AP1M1: variants seen among roughly 807,000 people sequenced by gnomAD.
The protein encoded by AP1M1 is adaptor related protein complex 1 subunit mu 1.
A neutral mutation model predicts 57.1 loss-of-function variants in AP1M1; 18 were observed. That is an observed-to-expected ratio of 0.32 (90% CI 0.22 to 0.47). The LOEUF (loss-of-function observed/expected upper bound fraction) is 0.47. Among genes scored for constraint, AP1M1 ranks in the 20% least tolerant of loss-of-function variants. The pLI is 1.00. For missense variants in AP1M1, 362 were observed against 593.5 expected, an observed-to-expected ratio of 0.61 and a Z score of 4.05; for synonymous variants, 241 against 237.9, an observed-to-expected ratio of 1.01 and a Z score of -0.12.
chr19:16,208,720 C>T (rs1015286581), intron 4 of AP1M1: 5 of 272,372 alleles, frequency 1.8e-5, no homozygotes, highest in South Asian at 6.7e-5. Context: ...TCAGCAGGGA[C>T]GGGAAGCAGC....
At position 16,203,953 on chromosome 19, in the gene AP1M1, G is replaced by A. The variant is rs2091459558; in HGVS notation, c.199+338G>A. On this transcript the variant is annotated intron_variant, in intron 2 of 11. Coordinates refer to ENST00000291439, the MANE Select transcript of AP1M1 (RefSeq NM_032493.4). The surrounding 1 kb of genome is among the most constrained non-coding windows in gnomAD (Gnocchi z 4.6). ...GCGTGGGTGAAGGCTCTGCAGGGAA[G>A]AGCCTCATTCCAACAGCTGCACTCG... 1.3e-5 allele frequency among the ~76,000 whole-genome samples: 2 copies of A among 152,184 alleles called. No homozygotes were observed. Among genetic ancestry groups the A allele is most frequent in the Non-Finnish European group, 2.9e-5 (2 of 68,032 alleles).
At chr19:16,200,287 A>C (rs913867932) in intron 1 of AP1M1, among the ~76,000 whole-genome samples, 3 of 152,160 alleles carry the variant, frequency 2.0e-5, no homozygotes, top group African/African-American at 7.2e-5. Flanking sequence ...CTCCCTGAAG[A>C]GGGCGACGCT....
intron 2 of AP1M1, among the ~76,000 whole-genome samples, chr19:16,204,630 G>A (rs2091462000): frequency 6.6e-6 from 1 of 152,192 alleles, no homozygotes; most frequent in African/African-American, 2.4e-5. Flanking sequence ...TCCGCTGGGA[G>A]CCCTTTGGAA....
At chr19:16,200,720 C>T (rs1007779944) in intron 1 of AP1M1, among the ~76,000 whole-genome samples, 5 of 152,228 alleles carry the variant, frequency 3.3e-5, no homozygotes, top group African/African-American at 1.2e-4. Context: ...GAAGCTTCTC[C>T]GCTTTATCTA....
intron 9 of AP1M1, 112 bp from the exon 10 acceptor site, chr19:16,233,381 C>T (rs2091607321): frequency 2.9e-6 from 4 of 1,389,144 alleles, no homozygotes; most frequent in South Asian, 1.6e-5. Context: ...TCATGCTCCC[C>T]TCCCTGGACT....
At chr19:16,233,858 C>T (rs780430438) in intron 10 of AP1M1, among the ~76,000 whole-genome samples, 5 of 151,220 alleles carry the variant, frequency 3.3e-5, no homozygotes, top group Non-Finnish European at 7.4e-5. Context: ...GCCGTCCACT[C>T]ATGCCCCATG....
At chr19:16,210,373 G>A (rs2091488578) in intron 5 of AP1M1, 2 of 718,302 alleles carry the variant, frequency 2.8e-6, no homozygotes, top group Admixed American at 4.0e-5. Context: ...AAATACCCAG[G>A]AGTGGGATGG....
intron 9 of AP1M1, among the ~76,000 whole-genome samples, chr19:16,232,392 G>A (rs1043955050): frequency 1.3e-5 from 2 of 152,238 alleles, no homozygotes; most frequent in Non-Finnish European, 2.9e-5. Context: ...GGCCTCCATC[G>A]CCCCTGGCGT....
intron 5 of AP1M1, among the ~76,000 whole-genome samples, chr19:16,217,256 G>A (rs371158463): frequency 6.6e-6 from 1 of 152,086 alleles, no homozygotes; most frequent in Non-Finnish European, 1.5e-5. Flanking sequence ...TGGGGCTGGC[G>A]GGCTCTATGC....
Position 16,233,528 on chromosome 19 carries a change from C to T in AP1M1, c.1083C>T (p.Gly361=). 1 of 1,606,166 alleles carries T rather than the reference C, an allele frequency of 6.2e-7. No homozygotes were observed. Among genetic ancestry groups the T allele is most frequent in the Non-Finnish European group, 8.5e-7 (1 of 1,176,704 alleles). The change falls in exon 10 of 12, where the codon GGC becomes GGT. Residue 361 remains glycine, a synonymous_variant. Transcript: ENST00000291439. ...AGTACCTGATGCGGGCCCACTTCGG[C>T]CTGCCTAGTGTGGAGGCCGAAGACA... is the stretch of plus-strand genomic sequence containing the variant. ...GKEYLMRAHF[G]LPSVEAEDKE...
Position 16,244,549 on chromosome 19 carries a change from TGACTGTCTGG to T in AP1M1, c.*10117_*10126del, listed in dbSNP as rs2091655932. 1 of 152,148 alleles carries T rather than the reference TGACTGTCTGG, an allele frequency of 6.6e-6. No homozygotes were observed. Among genetic ancestry groups the T allele is most frequent in the Non-Finnish European group, 1.5e-5 (1 of 68,034 alleles). The allele number at this position is 152,148 out of a possible 1,614,324, so 9.4% of individuals were successfully genotyped here. On this transcript the variant is annotated 3_prime_UTR_variant, in exon 12 of 12. Coordinates refer to ENST00000291439, the MANE Select transcript of AP1M1 (RefSeq NM_032493.4). Reference sequence around the variant, plus strand: ...ACTGAGTTAAAATGTTCCAAGTTAATGACTGTCTGGGAGGAGAATAAATAACATGGATACA... The same window carrying T: ...ACTGAGTTAAAATGTTCCAAGTTAATGAGGAGAATAAATAACATGGATACA...
At chr19:16,200,380 T>C (rs1328170251) in intron 1 of AP1M1, among the ~76,000 whole-genome samples, 1 of 152,176 alleles carries the variant, frequency 6.6e-6, no homozygotes, top group African/African-American at 2.4e-5. Flanking sequence ...CCAGAAGTCC[T>C]GGCTAATGCT....
intron 5 of AP1M1, among the ~76,000 whole-genome samples, chr19:16,224,385 T>C (rs1025015744): frequency 6.6e-6 from 1 of 152,202 alleles, no homozygotes; most frequent in Non-Finnish European, 1.5e-5. Flanking sequence ...AGGATCCCAC[T>C]CCTCCAAACA....
chr19:16,208,025 T>C lies in AP1M1; in HGVS notation c.274T>C (p.Ser92Pro). 6.2e-7 allele frequency: 1 copy of C among 1,612,642 alleles called. No homozygotes were observed. Residue 92 changes from serine (S) to proline (P), a missense_variant, in exon 4 of 12, where the codon TCC becomes CCC. By Grantham distance (74) the Ser-to-Pro change is moderately conservative. This residue lies in a region of AP1M1 where 337 missense variants were observed against 511.1 expected (regional missense o/e 0.66). Transcript: ENST00000291439. The stretch of plus-strand genomic sequence containing the variant: ...CCCTCCCCAACCGCCACAGGTGTTT[T>C]CCGAGTACTTCAAGGAGCTGGAGGA... Reference protein sequence around the residue: ...SFLYKVVQVFSEYFKELEEES... With the variant: ...SFLYKVVQVFPEYFKELEEES...
In AP1M1 at chr19:16,208,076, A is replaced by G; in HGVS notation, c.325A>G (p.Ile109Val). 3 of 1,613,978 alleles carry G rather than the reference A, an allele frequency of 1.9e-6. No homozygotes were observed. Among genetic ancestry groups the G allele is most frequent in the South Asian group, 2.2e-5 (2 of 91,070 alleles). Residue 109 changes from isoleucine to valine, a missense_variant, in exon 4 of 12, where the codon ATC becomes GTC. By Grantham distance (29) the Ile-to-Val change is conservative (BLOSUM62 3). Coordinates refer to ENST00000291439, the MANE Select transcript of AP1M1 (RefSeq NM_032493.4). ...EEESIRDNFVIIYELLDELMD... is the reference protein window; with the variant it reads ...EEESIRDNFVVIYELLDELMD... ...GGAGAGCATCCGGGACAACTTTGTT[A>G]TCATCTACGAGCTGCTGGACGAGCT...
rs1192567428 is a variant in AP1M1, at chr19:16,215,200, C to CGGG, written c.546+6032_546+6034dup. ...GCACTTTGGGAGGCTAAGGCGGGGG[C>CGGG]GGGGGGGGGGGAGAGGGGGGAGGGG... On this transcript the variant is annotated intron_variant, in intron 5 of 11. Transcript: ENST00000291439. Among the ~76,000 whole-genome samples the CGGG allele has an allele frequency of 1.8e-3, 13 of 7,372 alleles. 1 individual carries two copies. Among genetic ancestry groups the CGGG allele is most frequent in the Admixed American group, 5.4e-3 (4 of 744 alleles). 4.8% of individuals were successfully genotyped at this position (7,372 alleles called of 152,430 possible). A position where few individuals can be genotyped will look rare whatever the true frequency, so the allele number is the denominator to read the frequency against.
In AP1M1 at chr19:16,233,613, A is replaced by G. The variant is rs2091608413; in HGVS notation, c.1168A>G (p.Ile390Val). The G allele has an allele frequency of 1.2e-6, 2 of 1,610,998 alleles. No homozygotes were observed. Among genetic ancestry groups the G allele is most frequent in the Admixed American group, 1.7e-5 (1 of 59,556 alleles). ...FEIPYFTTSG[I>V]QVRYLKIIEK... ...GATCCCTTACTTCACTACCTCCGGCATCCAGGTACGTAAGGCCCAGGCGGC... is the reference window on the plus strand; with the variant it reads ...GATCCCTTACTTCACTACCTCCGGCGTCCAGGTACGTAAGGCCCAGGCGGC... Residue 390 changes from isoleucine (I) to valine (V), a missense_variant, in exon 10 of 12, where the codon ATC becomes GTC. Around this residue, in one of 2 missense-constraint regions of AP1M1, gnomAD observed 25 missense variants for 82.4 expected, o/e 0.30. Coordinates refer to ENST00000291439, the MANE Select transcript of AP1M1 (RefSeq NM_032493.4).
rs57467734 is a variant in AP1M1, at chr19:16,201,388, CTTTTTTT to C, written c.43-2049_43-2043del. 1.8e-4 allele frequency among the ~76,000 whole-genome samples: 11 copies of C among 62,394 alleles called. 1 individual carries two copies. The highest frequency in any genetic ancestry group is 1.4e-3 in the East Asian group (2 of 1,460). 40.9% of individuals were successfully genotyped at this position (62,394 alleles called of 152,430 possible). A position where few individuals can be genotyped will look rare whatever the true frequency, so the allele number is the denominator to read the frequency against. ...CAGCCAGAGCAAGCAGGGAGGATTT[CTTTTTTT>C]TTTTTTTTTTTTTTTTTTTTTGAGA... On this transcript the variant is annotated intron_variant, in intron 1 of 11. Transcript: ENST00000291439.
At chr19:16,218,635 C>T (rs1157654288) in intron 5 of AP1M1, among the ~76,000 whole-genome samples, 1 of 152,202 alleles carries the variant, frequency 6.6e-6, no homozygotes, top group African/African-American at 2.4e-5. Flanking sequence ...CACAGTGTCC[C>T]TGTCTCTTAG....
Sources: allele counts gnomAD v4.1 joint callset (sites outside exome capture counted in the v4.1 genomes callset), GRCh38; gene constraint gnomAD v4.1.1; regional missense constraint gnomAD v4.1.1; non-coding constraint Gnocchi (gnomAD v3.1); transcripts MANE v1.5; gene names NCBI Gene and HGNC (gene_info 2026-07-23, HGNC 2026-07-21).